Variants in CLPB observed in about 807,000 individuals in gnomAD.
CLPB encodes the protein ClpB family mitochondrial disaggregase.
CLPB carries 40 observed loss-of-function variants against 78.4 expected under a neutral mutation model. The ratio of observed to expected loss-of-function variants is 0.51; its 90% CI spans 0.40 to 0.66. The LOEUF (loss-of-function observed/expected upper bound fraction) is 0.66. CLPB is among the 30% of genes least tolerant of loss of function. The pLI, the probability that CLPB is intolerant of heterozygous loss-of-function variation, is 0.00. For synonymous variants in CLPB, 333 were observed against 348.0 expected (o/e 0.96, Z 0.48); for missense variants, 780 against 886.9 (o/e 0.88, Z 1.53).
At chr11:72,316,199 A>G (rs1301921871) in intron 7 of CLPB, among the ~76,000 whole-genome samples, 1 of 152,208 alleles carries the variant, frequency 6.6e-6, no homozygotes, top group Non-Finnish European at 1.5e-5. Flanking sequence ...GAGTGTCAGA[A>G]TCACCTGAAG....
chr11:72,352,846 T>G (rs78992012), intron 5 of CLPB: 4,744 of 152,368 alleles, frequency 0.031, 129 homozygotes, highest in Non-Finnish European at 0.04. Context: ...GAAGGGGTCC[T>G]TGGGATCTGC....
In CLPB at chr11:72,289,626, A is replaced by G. The variant is rs1949428513; in HGVS notation, c.*3741T>C. On this transcript the variant is annotated 3_prime_UTR_variant, in exon 16 of 16. Coordinates refer to ENST00000538039, the MANE Select transcript of CLPB (RefSeq NM_001258392.3). The stretch of plus-strand genomic sequence containing the variant: ...TGCTCTGTCACTCAGGCTGCAGTGC[A>G]GTGGTACAATCACAGTTCACTACAG... The G allele has an allele frequency of 6.6e-6, 1 of 152,238 alleles. No homozygotes were observed. The highest frequency in any genetic ancestry group is 1.5e-5 in the Non-Finnish European group (1 of 68,050). 9.4% of individuals were successfully genotyped at this position (152,238 alleles called of 1,614,324 possible). A position where few individuals can be genotyped will look rare whatever the true frequency, so the allele number is the denominator to read the frequency against.
chr11:72,350,023 C>T (rs1263604132), intron 5 of CLPB, among the ~76,000 whole-genome samples: 1 of 152,252 alleles, frequency 6.6e-6, no homozygotes, highest in Non-Finnish European at 1.5e-5. Context: ...TGGCAAGTGG[C>T]TCTGGAGAGC....
intron 11 of CLPB, among the ~76,000 whole-genome samples, 171 bp downstream of exon 11, chr11:72,301,632 G>T (rs976626975): frequency 6.6e-6 from 1 of 152,232 alleles, no homozygotes; most frequent in Non-Finnish European, 1.5e-5. Flanking sequence ...GCCCCACCCA[G>T]GCCCTAGTGC....
At chr11:72,372,864 G>A in intron 4 of CLPB, 1 of 1,438,038 alleles carries the variant, frequency 7.0e-7, no homozygotes, top group Non-Finnish European at 9.8e-7. Context: ...ATAGTCAGAT[G>A]AGACCATCCT....
chr11:72,336,177 T>C (rs991940438), intron 5 of CLPB, among the ~76,000 whole-genome samples: 7 of 152,106 alleles, frequency 4.6e-5, no homozygotes, highest in Non-Finnish European at 8.8e-5. Flanking sequence ...CCCTTGACAC[T>C]ACTCTGTCCT....
intron 5 of CLPB, chr11:72,354,188 C>T: frequency 2.7e-6 from 1 of 375,048 alleles, no homozygotes; most frequent in Non-Finnish European, 4.7e-6. Flanking sequence ...TCCCTTGCAA[C>T]CTCTCTTAGC....
At chr11:72,326,744 C>T (rs1950140102) in intron 6 of CLPB, among the ~76,000 whole-genome samples, 1 of 152,184 alleles carries the variant, frequency 6.6e-6, no homozygotes, top group South Asian at 2.1e-4. Flanking sequence ...AACTCAGAGG[C>T]AGCTGCTTCT....
At chr11:72,378,867 T>C (rs1178961759) in intron 4 of CLPB, among the ~76,000 whole-genome samples, 1 of 152,152 alleles carries the variant, frequency 6.6e-6, no homozygotes, top group Non-Finnish European at 1.5e-5. Context: ...AGAGTTCAAG[T>C]AACCATACAA....
At position 72,366,375 on chromosome 11, in the gene CLPB, C is replaced by T. The variant is rs141802534; in HGVS notation, c.647-7367G>A. On this transcript the variant is annotated intron_variant, in intron 4 of 15. Coordinates refer to ENST00000538039, the MANE Select transcript of CLPB (RefSeq NM_001258392.3). ...GATTACAGGTGTGCACCACCACACCCGGCTAATTTTTGTATTTTTAGAAAA... is the reference window on the plus strand; with the variant it reads ...GATTACAGGTGTGCACCACCACACCTGGCTAATTTTTGTATTTTTAGAAAA... 1.8e-4 allele frequency among the ~76,000 whole-genome samples: 27 copies of T among 152,082 alleles called. No individual in the cohort carries two copies. In the East Asian group the frequency reaches 1.9e-3, roughly 11 times the overall value.
At chr11:72,415,730 G>T (rs970617214) in intron 2 of CLPB, among the ~76,000 whole-genome samples, 3 of 152,160 alleles carry the variant, frequency 2.0e-5, no homozygotes, top group African/African-American at 7.2e-5. Context: ...AGGCTGGGCC[G>T]ATTACAAGCT....
At chr11:72,404,460 A>G (rs1855646858) in intron 2 of CLPB, among the ~76,000 whole-genome samples, 1 of 152,254 alleles carries the variant, frequency 6.6e-6, no homozygotes, top group Non-Finnish European at 1.5e-5. Context: ...CTAAGGCTTG[A>G]GAGGATGATG....
intron 1 of CLPB, among the ~76,000 whole-genome samples, chr11:72,432,501 C>A (rs555634236): frequency 6.6e-6 from 1 of 152,174 alleles, no homozygotes; most frequent in African/African-American, 2.4e-5. Context: ...GATCCCCCAA[C>A]GACACATAGC....
chr11:72,382,668 C>T (rs1362918778), intron 3 of CLPB, among the ~76,000 whole-genome samples: 1 of 152,210 alleles, frequency 6.6e-6, no homozygotes, highest in Non-Finnish European at 1.5e-5. Context: ...TCATGAACCA[C>T]ACAAGATGGC....
intron 7 of CLPB, among the ~76,000 whole-genome samples, chr11:72,313,005 G>T (rs965465905): frequency 2.6e-5 from 4 of 152,158 alleles, no homozygotes; most frequent in Non-Finnish European, 4.4e-5. Context: ...AACCAAAAAG[G>T]CAAGAGCGGC....
intron 5 of CLPB, among the ~76,000 whole-genome samples, chr11:72,349,579 G>T (rs1950576500): frequency 6.6e-6 from 1 of 152,236 alleles, no homozygotes; most frequent in South Asian, 2.1e-4. Context: ...GTCATCCCCA[G>T]TCTCAGCCTT....
chr11:72,336,218 G>A (rs112104914), intron 5 of CLPB, among the ~76,000 whole-genome samples: 3 of 152,086 alleles, frequency 2.0e-5, no homozygotes, highest in African/African-American at 4.8e-5. Flanking sequence ...AAGATAATGT[G>A]TATAAGAGGG....
At chr11:72,313,893 G>A (rs573275414) in intron 7 of CLPB, among the ~76,000 whole-genome samples, 8 of 152,176 alleles carry the variant, frequency 5.3e-5, no homozygotes, top group Non-Finnish European at 8.8e-5. Context: ...GGAAGGGCAG[G>A]GCAGTCCAGC....
chr11:72,420,958 G>A (rs935296270), intron 2 of CLPB, among the ~76,000 whole-genome samples: 1 of 152,126 alleles, frequency 6.6e-6, no homozygotes, highest in Non-Finnish European at 1.5e-5. Context: ...TCGGGAGTTC[G>A]GGACCAGCCT....
Sources: gnomAD v4.1 joint callset for allele counts (sites outside exome capture counted in the v4.1 genomes callset) on GRCh38, gnomAD v4.1.1 for gene constraint, MANE v1.5 for transcripts, NCBI Gene and HGNC (gene_info 2026-07-23, HGNC 2026-07-21) for gene names.